The following FAM107B variants were observed in gnomAD, a reference collection of about 807,000 sequenced individuals.
The protein encoded by FAM107B is family with sequence similarity 107 member B, also known as protein FAM107B.
In FAM107B, 21 loss-of-function variants were observed where a neutral mutation model predicts 31.5. The ratio of observed to expected loss-of-function variants is 0.67; its 90% confidence interval spans 0.47 to 0.96. The LOEUF is 0.96. Among genes scored for constraint, FAM107B ranks in the 40% least tolerant of loss-of-function variants. The probability of loss-of-function intolerance (pLI) is 0.00; values close to 1 mark genes in which losing one functional copy is unlikely to be tolerated. For synonymous variants in FAM107B, 157 were observed against 141.5 expected, an observed-to-expected ratio of 1.11 and a Z score of -0.78; for missense variants, 452 against 377.1, an observed-to-expected ratio of 1.20 and a Z score of -1.64.
chr10:14,738,080 T>G (rs968830851), intron 1 of FAM107B, among the ~76,000 whole-genome samples: 3 of 152,158 alleles, frequency 2.0e-5, no homozygotes, highest in Non-Finnish European at 4.4e-5. Flanking sequence ...TTACTATATT[T>G]ACACGTACAA....
chr10:14,576,452 G>T (rs66538851), intron 2 of FAM107B, among the ~76,000 whole-genome samples: 4 of 151,928 alleles, frequency 2.6e-5, no homozygotes, highest in African/African-American at 9.7e-5. Context: ...ATTTGAACCC[G>T]GGAGGCGGAG....
chr10:14,699,440 G>C (rs912851535), intron 1 of FAM107B, among the ~76,000 whole-genome samples: 4 of 152,110 alleles, frequency 2.6e-5, no homozygotes, highest in Admixed American at 2.6e-4. Flanking sequence ...TGTAAGTCCG[G>C]GTCCAAGCCC....
chr10:14,624,948 G>C (rs1172186452), intron 2 of FAM107B, among the ~76,000 whole-genome samples: 2 of 152,102 alleles, frequency 1.3e-5, no homozygotes, highest in African/African-American at 4.8e-5. Context: ...TGTGTGGCCG[G>C]GCGTGGTGGC....
chr10:14,599,237 C>A (rs185398830), intron 2 of FAM107B, among the ~76,000 whole-genome samples: 9 of 152,168 alleles, frequency 5.9e-5, no homozygotes, highest in East Asian at 3.9e-4. Context: ...TGTCCCCCCC[C>A]ACTTCAAGAC....
At chr10:14,583,814 C>T (rs779249790) in intron 2 of FAM107B, among the ~76,000 whole-genome samples, 3 of 152,140 alleles carry the variant, frequency 2.0e-5, no homozygotes, top group African/African-American at 4.8e-5. Flanking sequence ...CTTCTATAGG[C>T]GAACCCTGTT....
intron 1 of FAM107B, among the ~76,000 whole-genome samples, chr10:14,700,066 G>A (rs867972578): frequency 6.5e-4 from 99 of 152,250 alleles, no homozygotes; most frequent in African/African-American, 2.2e-3. Context: ...CCGAGTAGCT[G>A]GGATTACAGG....
intron 2 of FAM107B, among the ~76,000 whole-genome samples, chr10:14,619,708 TAAA>T (rs3995551): frequency 0.054 from 5,639 of 104,530 alleles, 158 homozygotes; most frequent in East Asian, 0.15. Flanking sequence ...GTGTCCTAGC[TAAA>T]AAAAAAAAAA....
intron 2 of FAM107B, among the ~76,000 whole-genome samples, chr10:14,562,247 A>T (rs2131182584): frequency 6.6e-6 from 1 of 152,366 alleles, no homozygotes; most frequent in East Asian, 1.9e-4. Context: ...TTTTAATCTA[A>T]AACAATATTA....
intron 2 of FAM107B, among the ~76,000 whole-genome samples, chr10:14,653,505 A>G (rs897295887): frequency 6.6e-6 from 1 of 152,174 alleles, no homozygotes; most frequent in African/African-American, 2.4e-5. Flanking sequence ...CCTTTCAAGG[A>G]AGAGCTCTGG....
At chr10:14,716,782 G>C (rs181525711) in intron 1 of FAM107B, among the ~76,000 whole-genome samples, 161 of 152,246 alleles carry the variant, frequency 1.1e-3, no homozygotes, top group African/African-American at 3.7e-3. Context: ...GAGACTTGTT[G>C]AGAGTCAACT....
At chr10:14,686,392 C>CAAAAAA (rs61066393) in intron 1 of FAM107B, among the ~76,000 whole-genome samples, 1 of 125,770 alleles carries the variant, frequency 8.0e-6, no homozygotes, top group Non-Finnish European at 1.7e-5. Context: ...CTGCATGTCT[C>CAAAAAA]AAAAAAAAAA....
At chr10:14,760,848 C>T (rs887216903) in intron 1 of FAM107B, among the ~76,000 whole-genome samples, 1 of 151,828 alleles carries the variant, frequency 6.6e-6, no homozygotes, top group African/African-American at 2.4e-5. Context: ...CCCGTCTCTA[C>T]TAAAACTACA....
chr10:14,634,260 C>G (rs556734326), intron 2 of FAM107B, among the ~76,000 whole-genome samples: 1 of 151,880 alleles, frequency 6.6e-6, no homozygotes, highest in African/African-American at 2.4e-5. Flanking sequence ...ATTAGCCAGG[C>G]GTGGTGGCGG....
chr10:14,573,459 G>T (rs1588623715), intron 2 of FAM107B, among the ~76,000 whole-genome samples: 1 of 151,602 alleles, frequency 6.6e-6, no homozygotes, highest in South Asian at 2.1e-4. Flanking sequence ...GGGTGTGGTG[G>T]TTCACACCTG....
intron 2 of FAM107B, among the ~76,000 whole-genome samples, chr10:14,542,248 C>T (rs1588528118): frequency 8.4e-6 from 1 of 118,766 alleles, no homozygotes; most frequent in Admixed American, 1.0e-4. Flanking sequence ...CCAGCCTGGG[C>T]AATGCAGTGA....
At chr10:14,581,612 A>G (rs1851638708) in intron 2 of FAM107B, among the ~76,000 whole-genome samples, 1 of 152,204 alleles carries the variant, frequency 6.6e-6, no homozygotes, top group Admixed American at 6.5e-5. Flanking sequence ...TTTTAAAATC[A>G]ATGCCCAGCC....
At chr10:14,676,395 C>A (rs1854683677) in intron 1 of FAM107B, among the ~76,000 whole-genome samples, 1 of 152,174 alleles carries the variant, frequency 6.6e-6, no homozygotes, top group African/African-American at 2.4e-5. Flanking sequence ...ATTACATATT[C>A]TTCCAGAGCA....
intron 2 of FAM107B, among the ~76,000 whole-genome samples, chr10:14,586,373 G>A (rs1416275284): frequency 6.6e-6 from 1 of 152,138 alleles, no homozygotes; most frequent in Admixed American, 6.5e-5. Flanking sequence ...CCATAGACTT[G>A]AAGCCTCTGC....
At chr10:14,690,738 C>A (rs1339196588) in intron 1 of FAM107B, among the ~76,000 whole-genome samples, 1 of 152,046 alleles carries the variant, frequency 6.6e-6, no homozygotes, top group Non-Finnish European at 1.5e-5. Context: ...AGGCGTGAGC[C>A]ACCACGCCCG....
Sources: gnomAD v4.1 joint callset for allele counts (sites outside exome capture counted in the v4.1 genomes callset) on GRCh38, gnomAD v4.1.1 for gene constraint, MANE v1.5 for transcripts, NCBI Gene and HGNC (gene_info 2026-07-23, HGNC 2026-07-21) for gene names.